The following ECT2 variants were observed in gnomAD, a reference collection of about 807,000 sequenced individuals.
ECT2 encodes the protein protein ECT2.
ECT2 carries 61 observed loss-of-function variants against 116.9 expected under a neutral mutation model. The observed-to-expected ratio is 0.52, with a 90% confidence interval of 0.42 to 0.65. The LOEUF (loss-of-function observed/expected upper bound fraction) is 0.65. Ranked by LOEUF, ECT2 falls within the 30% of genes least tolerant of loss-of-function variation. ECT2 has a pLI of 0.00. For synonymous variants in ECT2, 358 were observed against 346.4 expected, an observed-to-expected ratio of 1.03 and a Z score of -0.37; for missense variants, 937 against 1,078.7, an observed-to-expected ratio of 0.87 and a Z score of 1.84.
Position 172,756,881 on chromosome 3 carries a change from T to G in ECT2, c.304-102T>G, listed in dbSNP as rs1717091534. 8.2e-6 allele frequency: 8 copies of G among 973,894 alleles called. No homozygotes were observed. In the South Asian group the frequency reaches 1.2e-4, roughly 15 times the overall value. The allele number at this position is 973,894 out of a possible 1,614,324, so 60.3% of individuals were successfully genotyped here. ...CTTATTTTCTACAAATATAAACATG[T>G]TAAAGTTGATATTGAATTGATTGTT... On this transcript the variant is annotated intron_variant, in intron 4 of 24. Transcript: ENST00000392692.
chr3:172,822,689 T>C (rs1730739170), downstream of ECT2, among the ~76,000 whole-genome samples: 1 of 151,964 alleles, frequency 6.6e-6, no homozygotes, highest in South Asian at 2.1e-4. Flanking sequence ...AAAGAACTCA[T>C]ACTGAATAAT....
chr3:172,796,424 A>G (rs1725657286), intron 18 of ECT2: 2 of 152,192 alleles, frequency 1.3e-5, no homozygotes, highest in African/African-American at 4.8e-5. Flanking sequence ...AAATTGCAGT[A>G]GGTTTTAATT....
rs75647384 is a variant in ECT2, at chr3:172,773,464, C to T, written c.1429-439C>T. ...AGCAGAAACATAGATACAAACAGATCTTCTAGCTTCAAATCCAGTCTTTCC... is the reference window on the plus strand; with the variant it reads ...AGCAGAAACATAGATACAAACAGATTTTCTAGCTTCAAATCCAGTCTTTCC... On this transcript the variant is annotated intron_variant, in intron 13 of 24. Coordinates refer to ENST00000392692, the MANE Select transcript of ECT2 (RefSeq NM_001258315.2). Among the ~76,000 whole-genome samples, 1,255 of 152,146 alleles carry T rather than the reference C, an allele frequency of 8.2e-3. 15 individuals are homozygous for T. The highest frequency in any genetic ancestry group is 0.045 in the South Asian group (217 of 4,826).
Position 172,763,048 on chromosome 3 carries a change from T to G in ECT2, c.1068+76T>G, listed in dbSNP as rs960991949. 4.1e-6 allele frequency: 6 copies of G among 1,463,046 alleles called. No homozygotes were observed. The Admixed American group carries it at 5.9e-5, about 14-fold the overall frequency. 90.6% of individuals were successfully genotyped at this position (1,463,046 alleles called of 1,614,324 possible). A position where few individuals can be genotyped will look rare whatever the true frequency, so the allele number is the denominator to read the frequency against. ...AATAACACTTTTCTGTCCAGAAGGT[T>G]TAGAAGCATGTTTAGGAATTTCAGA... On this transcript the variant is annotated intron_variant, in intron 11 of 24. Coordinates refer to ENST00000392692, the MANE Select transcript of ECT2 (RefSeq NM_001258315.2).
intron 18 of ECT2, among the ~76,000 whole-genome samples, chr3:172,794,180 C>G (rs1255686499): frequency 6.6e-6 from 1 of 152,020 alleles, no homozygotes; most frequent in Admixed American, 6.6e-5. Flanking sequence ...AACCCAAGGT[C>G]ACAAGGATTT....
At chr3:172,815,398 C>A (rs142875988) in intron 22 of ECT2, among the ~76,000 whole-genome samples, 97 of 152,084 alleles carry the variant, frequency 6.4e-4, no homozygotes, top group African/African-American at 1.8e-3. Flanking sequence ...TATCCATGAC[C>A]CTTACAACAA....
At chr3:172,826,466 A>T (rs923880253), downstream of ECT2, among the ~76,000 whole-genome samples, 5 of 152,174 alleles carry the variant, frequency 3.3e-5, no homozygotes, top group Admixed American at 6.5e-5. Context: ...CTTTCTTGAG[A>T]TGGAATCTAT....
intron 4 of ECT2, among the ~76,000 whole-genome samples, chr3:172,756,106 C>G (rs1159959969): frequency 6.6e-6 from 1 of 152,108 alleles, no homozygotes; most frequent in Non-Finnish European, 1.5e-5. Context: ...AGGGCCCACC[C>G]CTATTATCTC....
At chr3:172,790,304 C>G (rs1474134775) in intron 18 of ECT2, among the ~76,000 whole-genome samples, 3 of 152,192 alleles carry the variant, frequency 2.0e-5, no homozygotes, top group Non-Finnish European at 4.4e-5. Context: ...TCTAATGATA[C>G]AGCATACAAA....
At chr3:172,757,218 T>G in intron 5 of ECT2, 53 bp downstream of exon 5, 1 of 1,302,300 alleles carries the variant, frequency 7.7e-7, no homozygotes, top group South Asian at 2.1e-5. Flanking sequence ...TATTAATGAA[T>G]TTTAATTAGC....
intron 4 of ECT2, among the ~76,000 whole-genome samples, chr3:172,756,681 T>G (rs749831517): frequency 1.3e-5 from 2 of 152,208 alleles, no homozygotes; most frequent in African/African-American, 2.4e-5. Context: ...ATGGAACTTA[T>G]GCATACTTGA....
At chr3:172,780,337 G>A (rs1722475079) in intron 14 of ECT2, among the ~76,000 whole-genome samples, 1 of 151,786 alleles carries the variant, frequency 6.6e-6, no homozygotes, top group Non-Finnish European at 1.5e-5. Flanking sequence ...ACTTTAAATT[G>A]TCTGTTCACC....
intron 14 of ECT2, among the ~76,000 whole-genome samples, chr3:172,779,888 C>A (rs1722384728): frequency 6.8e-6 from 1 of 147,450 alleles, no homozygotes; most frequent in Admixed American, 6.7e-5. Flanking sequence ...AGAGTGAGAC[C>A]CTGTCTCAAA....
At chr3:172,756,423 A>G (rs1249238718) in intron 4 of ECT2, among the ~76,000 whole-genome samples, 1 of 152,176 alleles carries the variant, frequency 6.6e-6, no homozygotes, top group East Asian at 1.9e-4. Flanking sequence ...TACATTTGCC[A>G]TGCTGCAACT....
In ECT2 at chr3:172,761,446, A is replaced by C. The variant is rs910753399; in HGVS notation, c.685-164A>C. On this transcript the variant is annotated intron_variant, in intron 7 of 24. Transcript: ENST00000392692. The stretch of plus-strand genomic sequence containing the variant: ...ACTTGTTTTGAAGTTATTTTACCCT[A>C]ACTTGTATGATTGGAAGATAGTTTG... Among the ~76,000 whole-genome samples the C allele has an allele frequency of 5.9e-5, 9 of 152,186 alleles. No homozygotes were observed. In the East Asian group the frequency reaches 7.7e-4, roughly 13 times the overall value.
intron 12 of ECT2, among the ~76,000 whole-genome samples, chr3:172,764,963 CCTTT>C (rs147928288): frequency 0.042 from 6,362 of 152,182 alleles, 156 homozygotes; most frequent in Non-Finnish European, 0.044. Flanking sequence ...TCAGTATTTC[CCTTT>C]CTTTTTGATT....
At chr3:172,755,172 T>A in intron 2 of ECT2, 123 bp from the exon 3 acceptor site, 1 of 641,250 alleles carries the variant, frequency 1.6e-6, no homozygotes, top group Non-Finnish European at 2.5e-6. Context: ...CTATTAAATT[T>A]AGAGAAAGTT....
chr3:172,828,959 G>T, the ECT2 span: 1 of 1,383,512 alleles, frequency 7.2e-7, no homozygotes, highest in Non-Finnish European at 1.0e-6. Context: ...GGCTGCCTCA[G>T]CACCAATAAA....
intron 11 of ECT2, 78 bp from the exon 12 acceptor site, chr3:172,764,200 G>C (rs915625295): frequency 7.9e-7 from 1 of 1,273,512 alleles, no homozygotes; most frequent in Non-Finnish European, 1.1e-6. Flanking sequence ...TGTCAGACTT[G>C]TAAATATATT....
Sources: allele counts gnomAD v4.1 joint callset (sites outside exome capture counted in the v4.1 genomes callset), GRCh38; gene constraint gnomAD v4.1.1; transcripts MANE v1.5; gene names NCBI Gene and HGNC (gene_info 2026-07-23, HGNC 2026-07-21).